Variants in NOL10 observed in about 807,000 individuals in gnomAD.
The protein encoded by NOL10 is H_NH0074G24.1.
A neutral mutation model predicts 103.5 loss-of-function variants in NOL10; 58 were observed. That is an observed-to-expected ratio of 0.56 (90% CI 0.45 to 0.70). The LOEUF is 0.70. NOL10 is among the 30% of genes least tolerant of loss of function. NOL10 has a pLI of 0.00. For synonymous variants in NOL10, 287 were observed against 282.5 expected (o/e 1.02, Z -0.16); for missense variants, 763 against 807.3 (o/e 0.95, Z 0.67).
At chr2:10,668,472 T>C (rs1326255649) in intron 7 of NOL10, among the ~76,000 whole-genome samples, 186 bp downstream of exon 7, 1 of 152,228 alleles carries the variant, frequency 6.6e-6, no homozygotes, top group Non-Finnish European at 1.5e-5. Context: ...TTTCATTTAA[T>C]TTTTAAAGTA....
At position 10,663,188 on chromosome 2, in the gene NOL10, G is replaced by A. The variant is rs188782937; in HGVS notation, c.592-144C>T. On this transcript the variant is annotated intron_variant, in intron 8 of 20. Coordinates refer to ENST00000381685, the MANE Select transcript of NOL10 (RefSeq NM_024894.4). ...TTGAGACTAGTCTGACTAACATGGC[G>A]AAACTCTGTTTCTACTAAAAATACA... 2.2e-3 allele frequency: 1,317 copies of A among 594,442 alleles called. 17 individuals carry two copies. The highest frequency in any genetic ancestry group is 0.021 in the African/African-American group (1,146 of 53,494). 36.8% of individuals were successfully genotyped at this position (594,442 alleles called of 1,614,324 possible). A position where few individuals can be genotyped will look rare whatever the true frequency, so the allele number is the denominator to read the frequency against.
intron 13 of NOL10, among the ~76,000 whole-genome samples, chr2:10,626,618 T>C (rs1019424834): frequency 7.2e-5 from 11 of 151,880 alleles, no homozygotes; most frequent in Non-Finnish European, 1.2e-4. Flanking sequence ...ACTGAAATAC[T>C]AGGTTTAAGT....
intron 12 of NOL10, among the ~76,000 whole-genome samples, chr2:10,646,107 C>A (rs1449496086): frequency 2.0e-5 from 3 of 152,126 alleles, no homozygotes; most frequent in African/African-American, 7.2e-5. Context: ...TTTTTCTGGC[C>A]TTCCAAACAA....
chr2:10,643,527 G>A (rs59199925), intron 13 of NOL10, among the ~76,000 whole-genome samples: 32,587 of 152,098 alleles, frequency 0.21, 4,571 homozygotes, highest in East Asian at 0.44. Flanking sequence ...AAAGGGAAGG[G>A]TGGGAGCTTC....
chr2:10,650,284 T>C (rs6432129), intron 12 of NOL10, among the ~76,000 whole-genome samples: 119,469 of 151,546 alleles, frequency 0.79, 48,028 homozygotes, highest in Middle Eastern at 0.93. Context: ...CTTCAGCCCT[T>C]AGAGTATCTG....
chr2:10,644,528 T>C (rs1349342069), intron 12 of NOL10, among the ~76,000 whole-genome samples, 156 bp from the exon 13 acceptor site: 2 of 152,172 alleles, frequency 1.3e-5, no homozygotes, highest in African/African-American at 4.8e-5. Context: ...TCCTAACTTT[T>C]ACAAAACAAA....
chr2:10,584,727 A>C (rs932569865), intron 19 of NOL10, among the ~76,000 whole-genome samples: 1 of 152,194 alleles, frequency 6.6e-6, no homozygotes, highest in Middle Eastern at 3.2e-3. Flanking sequence ...GTGATATTTA[A>C]CTTAGTAAGA....
At chr2:10,593,779 G>A (rs1675520114) in intron 17 of NOL10, among the ~76,000 whole-genome samples, 1 of 152,142 alleles carries the variant, frequency 6.6e-6, no homozygotes, top group Non-Finnish European at 1.5e-5. Flanking sequence ...GGGAGGGCAA[G>A]GCTGGCACAT....
intron 1 of NOL10, among the ~76,000 whole-genome samples, chr2:10,687,293 G>C (rs895513807): frequency 3.3e-5 from 5 of 152,188 alleles, no homozygotes; most frequent in African/African-American, 1.2e-4. Flanking sequence ...TCATGCCAAA[G>C]TCGATGGTCA....
intron 12 of NOL10, among the ~76,000 whole-genome samples, chr2:10,644,929 ACATAC>A (rs1678950315): frequency 6.6e-6 from 1 of 152,210 alleles, no homozygotes; most frequent in Admixed American, 6.5e-5. Flanking sequence ...CATTTTTGCA[ACATAC>A]TCCTTCCCCA....
At chr2:10,645,281 T>A (rs946815380) in intron 12 of NOL10, among the ~76,000 whole-genome samples, 6 of 152,218 alleles carry the variant, frequency 3.9e-5, no homozygotes, top group African/African-American at 1.4e-4. Context: ...GAATTCATTT[T>A]AAAAATCTAT....
intron 13 of NOL10, among the ~76,000 whole-genome samples, chr2:10,636,209 T>G (rs1678200452): frequency 1.3e-5 from 2 of 152,072 alleles, no homozygotes; most frequent in African/African-American, 2.4e-5. Flanking sequence ...TTTTGACACT[T>G]ATTTTCAAGA....
chr2:10,621,876 T>C (rs915562184), intron 13 of NOL10: 6 of 319,982 alleles, frequency 1.9e-5, no homozygotes, highest in African/African-American at 4.3e-5. Flanking sequence ...TCTAAGGAAG[T>C]AGCCTAATGA....
At chr2:10,576,475 G>A (rs768518239) in intron 20 of NOL10, among the ~76,000 whole-genome samples, 5 of 152,082 alleles carry the variant, frequency 3.3e-5, no homozygotes, top group Admixed American at 2.0e-4. Flanking sequence ...CTTAAAAAAC[G>A]AATGAATAGC....
At position 10,603,081 on chromosome 2, in the gene NOL10, G is replaced by A. The variant is rs369380523; in HGVS notation, c.1230C>T (p.His410=). 6.2e-7 allele frequency: 1 copy of A among 1,604,880 alleles called. No homozygotes were observed. Among genetic ancestry groups the A allele is most frequent in the Non-Finnish European group, 8.5e-7 (1 of 1,174,318 alleles). ...HGFFMDIRLY[H]KVKLMVNPFA... is the part of the protein sequence containing the mutation. ...ATAACTGTAGTTTTCTGTTTACCTTGTGATAGAGTCTTATATCCATGAAAA... is the reference window on the plus strand; with the variant it reads ...ATAACTGTAGTTTTCTGTTTACCTTATGATAGAGTCTTATATCCATGAAAA... Residue 410 remains histidine, a synonymous_variant, in exon 15 of 21, where the codon CAC becomes CAT. Coordinates refer to ENST00000381685, the MANE Select transcript of NOL10 (RefSeq NM_024894.4).
chr2:10,659,120 C>T, intron 10 of NOL10, 52 bp downstream of exon 10: 2 of 1,210,510 alleles, frequency 1.7e-6, no homozygotes, highest in Non-Finnish European at 2.4e-6. Flanking sequence ...GACACATACA[C>T]ACACCACTGA....
intron 14 of NOL10, among the ~76,000 whole-genome samples, chr2:10,603,679 T>G (rs367603684): frequency 6.6e-6 from 1 of 152,226 alleles, no homozygotes; most frequent in African/African-American, 2.4e-5. Flanking sequence ...ATATCACATA[T>G]GCACTCCTCA....
chr2:10,662,119 T>C (rs535294873), intron 9 of NOL10, among the ~76,000 whole-genome samples: 17 of 152,320 alleles, frequency 1.1e-4, no homozygotes, highest in African/African-American at 3.4e-4. Flanking sequence ...CTGAGTAACA[T>C]GTATGCCATT....
intron 9 of NOL10, among the ~76,000 whole-genome samples, chr2:10,660,708 T>G (rs1680141284): frequency 6.6e-6 from 1 of 152,182 alleles, no homozygotes; most frequent in Non-Finnish European, 1.5e-5. Context: ...GCTGACAAGG[T>G]CACTGATTTT....
Sources: gnomAD v4.1 joint callset for allele counts (sites outside exome capture counted in the v4.1 genomes callset) on GRCh38, gnomAD v4.1.1 for gene constraint, MANE v1.5 for transcripts, NCBI Gene and HGNC (gene_info 2026-07-23, HGNC 2026-07-21) for gene names.